The following DLG2 variants were observed in gnomAD, a reference collection of about 807,000 sequenced individuals.
The protein encoded by DLG2 is discs large MAGUK scaffold protein 2, also known as disks large homolog 2.
A neutral mutation model predicts 132.5 loss-of-function variants in DLG2; 45 were observed. That is an observed-to-expected ratio of 0.34 (90% confidence interval 0.27 to 0.44). The LOEUF (loss-of-function observed/expected upper bound fraction) is 0.44. Among genes scored for constraint, DLG2 ranks in the 20% least tolerant of loss-of-function variants. DLG2 has a pLI of 1.00. For synonymous variants in DLG2, 424 were observed against 419.6 expected (o/e 1.01, Z -0.13); for missense variants, 1,045 against 1,196.9 (o/e 0.87, Z 1.87).
chr11:84,644,309 C>G (rs532288131), intron 6 of DLG2, among the ~76,000 whole-genome samples: 1 of 152,202 alleles, frequency 6.6e-6, no homozygotes, highest in East Asian at 1.9e-4. Flanking sequence ...TTCTTCACTT[C>G]CTCCAGCAAT....
At chr11:84,746,426 C>T (rs747639012) in intron 6 of DLG2, among the ~76,000 whole-genome samples, 1 of 143,456 alleles carries the variant, frequency 7.0e-6, no homozygotes, top group African/African-American at 2.6e-5. Context: ...TTTATTTCAG[C>T]TTAGTTTAGA....
chr11:84,207,075 C>CTATATATATA (rs1478236533), intron 8 of DLG2, among the ~76,000 whole-genome samples: 10 of 105,642 alleles, frequency 9.5e-5, no homozygotes, highest in African/African-American at 3.1e-4. Flanking sequence ...CTCTCTCTCT[C>CTATATATATA]TCTCTCTATA....
At position 84,435,681 on chromosome 11, in the gene DLG2, T is replaced by A. The variant is rs898079682; in HGVS notation, c.519+98889A>T. 2.0e-5 allele frequency among the ~76,000 whole-genome samples: 3 copies of A among 152,172 alleles called. No homozygotes were observed. The South Asian group carries it at 6.2e-4, about 32-fold the overall frequency. On this transcript the variant is annotated intron_variant, in intron 7 of 27. Coordinates refer to ENST00000376104, the MANE Select transcript of DLG2 (RefSeq NM_001142699.3). ...GGTTTCTTCTGGCTTGTTTTAAACA[T>A]TAGCCATCACAGAAATGGATGGGAC... is the stretch of plus-strand genomic sequence containing the variant.
chr11:84,588,639 T>C (rs1012993068), intron 6 of DLG2, among the ~76,000 whole-genome samples: 2 of 152,046 alleles, frequency 1.3e-5, no homozygotes, highest in Admixed American at 6.6e-5. Flanking sequence ...TCCCAGTAAG[T>C]TAAAGCATTC....
At chr11:84,725,975 C>T (rs2062400997) in intron 6 of DLG2, among the ~76,000 whole-genome samples, 1 of 151,974 alleles carries the variant, frequency 6.6e-6, no homozygotes. Flanking sequence ...AGTGACTCTC[C>T]TTAGACCCTT....
intron 3 of DLG2, among the ~76,000 whole-genome samples, chr11:85,497,512 T>C (rs2093694230): frequency 6.6e-6 from 1 of 152,136 alleles, no homozygotes; most frequent in African/African-American, 2.4e-5. Context: ...CTTCAGGATA[T>C]TATCCAGGAG....
chr11:85,304,018 C>A (rs1360216866), intron 3 of DLG2, among the ~76,000 whole-genome samples: 1 of 152,114 alleles, frequency 6.6e-6, no homozygotes, highest in African/African-American at 2.4e-5. Flanking sequence ...TTGAATCAGA[C>A]CTTTTTGTCA....
chr11:85,585,393 G>C (rs995735645), intron 3 of DLG2, among the ~76,000 whole-genome samples: 4 of 152,036 alleles, frequency 2.6e-5, no homozygotes, highest in Admixed American at 6.6e-5. Flanking sequence ...ATTCCAATTT[G>C]GATGCCCTTT....
At chr11:84,719,290 T>C (rs2153792399) in intron 6 of DLG2, among the ~76,000 whole-genome samples, 1 of 152,340 alleles carries the variant, frequency 6.6e-6, no homozygotes, top group East Asian at 1.9e-4. Context: ...AGGAATTATG[T>C]GATATACATT....
chr11:84,512,617 CAA>C (rs1438327762), intron 7 of DLG2, among the ~76,000 whole-genome samples: 1 of 151,482 alleles, frequency 6.6e-6, no homozygotes, highest in Non-Finnish European at 1.5e-5. Context: ...ATCCTGAAAG[CAA>C]AAGAGAAAAT....
rs1258755073 is a variant in DLG2 at position 84,527,361 on chromosome 11, C to T, written c.519+7209G>A. Among the ~76,000 whole-genome samples the T allele has an allele frequency of 3.9e-5, 6 of 152,118 alleles. No homozygotes were observed. In the South Asian group the frequency reaches 8.3e-4, roughly 21 times the overall value. On this transcript the variant is annotated intron_variant, in intron 7 of 27. Coordinates refer to ENST00000376104, the MANE Select transcript of DLG2 (RefSeq NM_001142699.3). ...AGTAAGAAAATAGTATAAAAATACA[C>T]ATTGTTATCCTTTGTCTATAGTTTT... is the stretch of plus-strand genomic sequence containing the variant.
chr11:84,857,287 G>A (rs1251722666), intron 6 of DLG2, among the ~76,000 whole-genome samples: 1 of 151,878 alleles, frequency 6.6e-6, no homozygotes, highest in Non-Finnish European at 1.5e-5. Flanking sequence ...AGAGGTTAAA[G>A]AAACAATAAA....
chr11:85,501,489 A>G (rs999407607), intron 3 of DLG2, among the ~76,000 whole-genome samples: 4 of 152,236 alleles, frequency 2.6e-5, no homozygotes, highest in African/African-American at 4.8e-5. Flanking sequence ...GGCAACCTAC[A>G]GAACGGGAGA....
chr11:83,857,200 T>C (rs774508717), intron 16 of DLG2, among the ~76,000 whole-genome samples: 11 of 152,232 alleles, frequency 7.2e-5, no homozygotes, highest in African/African-American at 1.9e-4. Context: ...TTTTGTGCCA[T>C]GCAGTTTTGG....
At chr11:83,497,059 T>A (rs1376358100) in intron 21 of DLG2, among the ~76,000 whole-genome samples, 1 of 152,236 alleles carries the variant, frequency 6.6e-6, no homozygotes, top group African/African-American at 2.4e-5. Flanking sequence ...ACATGTTACT[T>A]TCATTTTGGT....
At chr11:84,331,800 C>A (rs2098460918) in intron 7 of DLG2, among the ~76,000 whole-genome samples, 1 of 152,052 alleles carries the variant, frequency 6.6e-6, no homozygotes, top group African/African-American at 2.4e-5. Context: ...TTCGTGAGAC[C>A]TTTCAAAGAA....
At chr11:85,009,023 A>T (rs2058930703) in intron 6 of DLG2, among the ~76,000 whole-genome samples, 1 of 152,070 alleles carries the variant, frequency 6.6e-6, no homozygotes, top group African/African-American at 2.4e-5. Flanking sequence ...GATGACAAAT[A>T]CAAAAGTCCT....
At chr11:85,131,257 G>T (rs1428470372) in intron 5 of DLG2, among the ~76,000 whole-genome samples, 1 of 152,048 alleles carries the variant, frequency 6.6e-6, no homozygotes. Flanking sequence ...GTATAATATA[G>T]TAGACTTCTA....
At chr11:83,647,852 T>C (rs2068726962) in intron 18 of DLG2, 1 of 152,210 alleles carries the variant, frequency 6.6e-6, no homozygotes, top group Non-Finnish European at 1.5e-5. Context: ...CTATTTAATC[T>C]GGCTGCCTTC....
Sources: gnomAD v4.1 joint callset for allele counts (sites outside exome capture counted in the v4.1 genomes callset) on GRCh38, gnomAD v4.1.1 for gene constraint, MANE v1.5 for transcripts, NCBI Gene and HGNC (gene_info 2026-07-23, HGNC 2026-07-21) for gene names.